SMIM10L3: variants seen among roughly 807,000 people sequenced by gnomAD.
The protein encoded by SMIM10L3 is small integral membrane protein 10 like 3.
At chr7:6,333,268 G>C in the SMIM10L3 span, among the ~76,000 whole-genome samples, 12 of 152,168 alleles carry the variant, frequency 7.9e-5, no homozygotes, top group African/African-American at 2.6e-4. Context: ...TTTAGAGAAA[G>C]AGACCTCGGG....
the SMIM10L3 span, among the ~76,000 whole-genome samples, chr7:6,347,456 C>T: frequency 6.6e-6 from 1 of 151,464 alleles, no homozygotes; most frequent in Non-Finnish European, 1.5e-5. Context: ...GCAGAGGTTG[C>T]AGTGAGCTGA....
At chr7:6,331,365 A>G in the SMIM10L3 span, 3 of 610,108 alleles carry the variant, frequency 4.9e-6, no homozygotes, top group Non-Finnish European at 8.6e-6. Flanking sequence ...GTTTCACCAT[A>G]TTGGTAAGGC....
chr7:6,347,299 G>T, the SMIM10L3 span, among the ~76,000 whole-genome samples: 1 of 152,208 alleles, frequency 6.6e-6, no homozygotes, highest in South Asian at 2.1e-4. Flanking sequence ...CAGATCACTT[G>T]AAGTCAGGAT....
chr7:6,333,282 T>C, the SMIM10L3 span, among the ~76,000 whole-genome samples: 3 of 151,740 alleles, frequency 2.0e-5, no homozygotes, highest in African/African-American at 4.8e-5. Flanking sequence ...CCTCGGGCCA[T>C]GTCACAGGGA....
chr7:6,336,952 C>T, the SMIM10L3 span, among the ~76,000 whole-genome samples: 1 of 152,024 alleles, frequency 6.6e-6, no homozygotes, highest in Non-Finnish European at 1.5e-5. Context: ...CCATGGCTGG[C>T]CATATTCTTT....
chr7:6,336,754 G>A, the SMIM10L3 span, among the ~76,000 whole-genome samples: 1 of 150,342 alleles, frequency 6.7e-6, no homozygotes, highest in African/African-American at 2.4e-5. Context: ...CCTCAAGGTT[G>A]GGTCATCACC....
the SMIM10L3 span, among the ~76,000 whole-genome samples, chr7:6,340,791 C>A: frequency 6.7e-6 from 1 of 149,832 alleles, no homozygotes; most frequent in Non-Finnish European, 1.5e-5. Context: ...CCCAGCTACT[C>A]GGGAGGCTGA....
At chr7:6,336,280 C>T in the SMIM10L3 span, among the ~76,000 whole-genome samples, 1 of 151,892 alleles carries the variant, frequency 6.6e-6, no homozygotes, top group Non-Finnish European at 1.5e-5. Flanking sequence ...CCTAGAAGCT[C>T]AAGGCTGCAG....
the SMIM10L3 span, among the ~76,000 whole-genome samples, chr7:6,334,737 A>G: frequency 1.3e-5 from 2 of 151,990 alleles, no homozygotes; most frequent in Non-Finnish European, 2.9e-5. Flanking sequence ...AAGTGCTAGG[A>G]TTACAGGCGT....
chr7:6,347,102 G>C, the SMIM10L3 span, among the ~76,000 whole-genome samples: 167 of 152,272 alleles, frequency 1.1e-3, no homozygotes, highest in African/African-American at 3.8e-3. Flanking sequence ...CAAGGCAGGA[G>C]GATCACTTGA....
the SMIM10L3 span, among the ~76,000 whole-genome samples, chr7:6,336,800 G>A: frequency 2.6e-5 from 4 of 151,580 alleles, no homozygotes; most frequent in African/African-American, 9.7e-5. Flanking sequence ...AACCACAGGT[G>A]TGTGCCACCA....
the SMIM10L3 span, among the ~76,000 whole-genome samples, chr7:6,347,744 G>C: frequency 1.3e-5 from 2 of 151,832 alleles, no homozygotes; most frequent in African/African-American, 2.4e-5. Context: ...TCCATTTTTA[G>C]CTTCAAGGAT....
chr7:6,337,794 A>AT, the SMIM10L3 span, among the ~76,000 whole-genome samples: 1 of 150,456 alleles, frequency 6.6e-6, no homozygotes, highest in Admixed American at 6.6e-5. Flanking sequence ...ATTTCAATAC[A>AT]TTATTTATTT....
chr7:6,343,980 G>A, the SMIM10L3 span, among the ~76,000 whole-genome samples: 2,928 of 152,164 alleles, frequency 0.019, 41 homozygotes, highest in South Asian at 0.043. Flanking sequence ...TGAACTCCCA[G>A]GCACAGGTGA....
the SMIM10L3 span, among the ~76,000 whole-genome samples, chr7:6,338,915 C>A: frequency 6.6e-6 from 1 of 152,118 alleles, no homozygotes; most frequent in East Asian, 1.9e-4. Flanking sequence ...GACTGCCGCA[C>A]GCAAGGAGAG....
At chr7:6,341,982 G>C in the SMIM10L3 span, 6 of 151,086 alleles carry the variant, frequency 4.0e-5, no homozygotes, top group African/African-American at 1.5e-4. Flanking sequence ...TGGGCGACAA[G>C]AACAAGACTC....
the SMIM10L3 span, among the ~76,000 whole-genome samples, chr7:6,339,538 C>A: frequency 6.6e-6 from 1 of 151,660 alleles, no homozygotes; most frequent in African/African-American, 2.4e-5. Flanking sequence ...GGCTGGAGTG[C>A]AGTGGAGCAA....
the SMIM10L3 span, chr7:6,348,963 A>G: frequency 2.7e-6 from 1 of 377,022 alleles, no homozygotes; most frequent in Non-Finnish European, 4.7e-6. Flanking sequence ...CTGGCCGCGC[A>G]GCCTGACGTC....
chr7:6,333,287 C>T, the SMIM10L3 span, among the ~76,000 whole-genome samples: 1 of 151,946 alleles, frequency 6.6e-6, no homozygotes, highest in Non-Finnish European at 1.5e-5. Flanking sequence ...GGCCATGTCA[C>T]AGGGAGCCGG....
Sources: allele counts gnomAD v4.1 joint callset (sites outside exome capture counted in the v4.1 genomes callset), GRCh38; gene constraint gnomAD v4.1.1; transcripts MANE v1.5; gene names NCBI Gene and HGNC (gene_info 2026-07-23, HGNC 2026-07-21).